The following SLC18A1 variants were observed in gnomAD, a reference collection of about 807,000 sequenced individuals.
SLC18A1 encodes solute carrier family 18 member A1.
Under a neutral mutation model 53.7 loss-of-function variants are expected in SLC18A1, and 69 were observed. The observed-to-expected ratio is 1.28, with a 90% CI of 1.06 to 1.57. The LOEUF (loss-of-function observed/expected upper bound fraction) is 1.57, where lower values mean the gene tolerates loss of function less well. Ranked by LOEUF, SLC18A1 falls within the 40% of genes most tolerant of loss-of-function variation. SLC18A1 has a pLI of 0.00. For synonymous variants in SLC18A1, 320 were observed against 248.1 expected, an observed-to-expected ratio of 1.29 and a Z score of -2.72; for missense variants, 932 against 668.1, an observed-to-expected ratio of 1.40 and a Z score of -4.35.
rs73608318 is a variant in SLC18A1 at position 20,162,013 on chromosome 8, C to T, written c.1015+2856G>A. ...ACCCATAGCTCTTGCATTCTGCGCA[C>T]GTGCAAAATTTGCACCACATAGACA... On this transcript the variant is annotated intron_variant, in intron 10 of 15. Coordinates refer to ENST00000276373, the MANE Select transcript of SLC18A1 (RefSeq NM_003053.4). Among the ~76,000 whole-genome samples the T allele has an allele frequency of 2.3e-3, 357 of 152,304 alleles. 5 individuals carry two copies. Among genetic ancestry groups the T allele is most frequent in the African/African-American group, 8.2e-3 (341 of 41,568 alleles).
chr8:20,163,007 CTATAA>C (rs1316642568), intron 10 of SLC18A1, among the ~76,000 whole-genome samples: 1 of 152,176 alleles, frequency 6.6e-6, no homozygotes, highest in Non-Finnish European at 1.5e-5. Flanking sequence ...TTTTCTGCTG[CTATAA>C]TATAACAGAA....
At chr8:20,164,558 C>A (rs973030152) in intron 10 of SLC18A1, among the ~76,000 whole-genome samples, 1 of 152,168 alleles carries the variant, frequency 6.6e-6, no homozygotes, top group African/African-American at 2.4e-5. Flanking sequence ...AAGGCATCTG[C>A]ACAAGTTTTC....
intron 6 of SLC18A1, among the ~76,000 whole-genome samples, chr8:20,172,360 G>T (rs368134156): frequency 6.6e-6 from 1 of 152,210 alleles, no homozygotes; most frequent in Non-Finnish European, 1.5e-5. Context: ...GGCATAGGCC[G>T]GGGAAGAAAT....
chr8:20,182,178 A>G (rs1026146225), intron 1 of SLC18A1, among the ~76,000 whole-genome samples: 10 of 152,164 alleles, frequency 6.6e-5, no homozygotes, highest in African/African-American at 7.2e-5. Context: ...AAAATTGTAT[A>G]CTCTTTGACT....
chr8:20,157,706 G>C (rs2071718226), intron 10 of SLC18A1, among the ~76,000 whole-genome samples: 1 of 152,138 alleles, frequency 6.6e-6, no homozygotes, highest in African/African-American at 2.4e-5. Context: ...AACTTCAAAA[G>C]TCCACTTTAG....
At chr8:20,166,347 A>C (rs2071965362) in intron 8 of SLC18A1, among the ~76,000 whole-genome samples, 1 of 141,612 alleles carries the variant, frequency 7.1e-6, no homozygotes. Flanking sequence ...CCAGGTGGAA[A>C]ATAATAAGGA....
At chr8:20,148,222 G>C (rs1451149180) in intron 12 of SLC18A1, 152 bp from the exon 13 acceptor site, 1 of 730,326 alleles carries the variant, frequency 1.4e-6, no homozygotes, top group Non-Finnish European at 2.3e-6. Context: ...TCATGGAAAA[G>C]AATCTATACC....
chr8:20,151,153 TTTTTG>T (rs758977183), intron 10 of SLC18A1, among the ~76,000 whole-genome samples: 5 of 126,634 alleles, frequency 3.9e-5, no homozygotes, highest in Non-Finnish European at 5.6e-5. Flanking sequence ...TTTTGTTTTT[TTTTTG>T]TTTGTTTGTT....
intron 10 of SLC18A1, among the ~76,000 whole-genome samples, chr8:20,159,264 C>G (rs942108034): frequency 6.6e-6 from 1 of 152,148 alleles, no homozygotes. Flanking sequence ...ATCAGCCAAC[C>G]TCCCCAACAG....
At position 20,180,998 on chromosome 8, in the gene SLC18A1, G is replaced by C. The variant is rs775027396; in HGVS notation, c.-34C>G. On this transcript the variant is annotated 5_prime_UTR_variant, in exon 2 of 16. Coordinates refer to ENST00000276373, the MANE Select transcript of SLC18A1 (RefSeq NM_003053.4). Reference sequence around the variant, plus strand: ...CCGGACTGGGGCAGTCTTCCCCTGCGGGCTCTTAGGGAAGGTCCTGTGACA... The same window carrying C: ...CCGGACTGGGGCAGTCTTCCCCTGCCGGCTCTTAGGGAAGGTCCTGTGACA... 6.5e-7 allele frequency: 1 copy of C among 1,548,942 alleles called. No homozygotes were observed. The highest frequency in any genetic ancestry group is 8.7e-7 in the Non-Finnish European group (1 of 1,145,414).
intron 10 of SLC18A1, among the ~76,000 whole-genome samples, chr8:20,156,335 G>T (rs1470210229): frequency 6.7e-6 from 1 of 148,336 alleles, no homozygotes; most frequent in Non-Finnish European, 1.5e-5. Context: ...AAAAAAAGAT[G>T]ACTTAACATT....
intron 8 of SLC18A1, among the ~76,000 whole-genome samples, chr8:20,165,686 C>A (rs894196693): frequency 1.3e-5 from 2 of 152,138 alleles, no homozygotes; most frequent in African/African-American, 4.8e-5. Flanking sequence ...AACTTGGTCG[C>A]CCCACCCTCT....
At chr8:20,179,583 T>C (rs2128880670) in intron 2 of SLC18A1, 99 bp from the exon 3 acceptor site, 1 of 1,443,164 alleles carries the variant, frequency 6.9e-7, no homozygotes, top group East Asian at 2.3e-5. Context: ...CTACTGAAAG[T>C]CAAGGAGGAC....
chr8:20,166,297 A>C (rs1311427972), intron 8 of SLC18A1, among the ~76,000 whole-genome samples: 12 of 81,764 alleles, frequency 1.5e-4, no homozygotes, highest in Admixed American at 5.7e-4. Flanking sequence ...GTCTATATAT[A>C]TATATATATA....
chr8:20,156,835 C>G (rs952318309), intron 10 of SLC18A1, among the ~76,000 whole-genome samples: 2 of 152,220 alleles, frequency 1.3e-5, no homozygotes, highest in African/African-American at 4.8e-5. Flanking sequence ...AAAGGGTTAC[C>G]TACACCCTCT....
intron 10 of SLC18A1, among the ~76,000 whole-genome samples, chr8:20,163,336 A>C (rs2071876450): frequency 6.6e-6 from 1 of 152,148 alleles, no homozygotes; most frequent in East Asian, 1.9e-4. Flanking sequence ...CTGGGGATTC[A>C]ATTTGCAACA....
intron 10 of SLC18A1, among the ~76,000 whole-genome samples, chr8:20,159,296 A>G (rs1199448584): frequency 2.0e-5 from 3 of 152,134 alleles, no homozygotes; most frequent in African/African-American, 7.2e-5. Flanking sequence ...TCCTGTTGAG[A>G]GGGGGTACTA....
intron 6 of SLC18A1, among the ~76,000 whole-genome samples, 184 bp from the exon 7 acceptor site, chr8:20,171,678 G>C (rs1251843290): frequency 1.4e-5 from 2 of 147,266 alleles, no homozygotes. Flanking sequence ...TTCTAGTGGA[G>C]GAAGTGTGTG....
chr8:20,172,932 G>A (rs1170946898), intron 6 of SLC18A1, 104 bp downstream of exon 6: 2 of 780,162 alleles, frequency 2.6e-6, no homozygotes, highest in East Asian at 2.7e-5. Flanking sequence ...GAAATAGGAT[G>A]AGGCCAACAA....
Sources: gnomAD v4.1 joint callset for allele counts (sites outside exome capture counted in the v4.1 genomes callset) on GRCh38, gnomAD v4.1.1 for gene constraint, MANE v1.5 for transcripts, NCBI Gene and HGNC (gene_info 2026-07-23, HGNC 2026-07-21) for gene names.